IGSF11: variants seen among roughly 807,000 people sequenced by gnomAD.
IGSF11 encodes the protein immunoglobulin superfamily member 11.
IGSF11 carries 22 observed loss-of-function variants against 41.0 expected under a neutral mutation model. The ratio of observed to expected loss-of-function variants is 0.54; its 90% CI spans 0.38 to 0.77. The LOEUF is 0.77. IGSF11 is among the 30% of genes least tolerant of loss of function. IGSF11 has a pLI of 0.00. For synonymous variants in IGSF11, 219 were observed against 201.3 expected (o/e 1.09, Z -0.74); for missense variants, 444 against 530.8 (o/e 0.84, Z 1.61).
At chr3:118,927,963 C>A (rs796599536) in intron 3 of IGSF11, among the ~76,000 whole-genome samples, 24 of 152,142 alleles carry the variant, frequency 1.6e-4, no homozygotes, top group African/African-American at 5.5e-4. Context: ...GGAAAAAAAA[C>A]CTAAATCTAT....
At chr3:119,034,922 T>G, upstream of IGSF11, 3 of 877,462 alleles carry the variant, frequency 3.4e-6, no homozygotes, top group Non-Finnish European at 4.3e-6. Context: ...GCTCGGCTCC[T>G]CGCCGCGCCG....
chr3:119,025,676 G>T (rs190342803), intron 1 of IGSF11, among the ~76,000 whole-genome samples: 3 of 151,742 alleles, frequency 2.0e-5, no homozygotes, highest in Non-Finnish European at 2.9e-5. Flanking sequence ...CTCTGACATG[G>T]GCTTTGTATA....
At chr3:119,057,704 G>A (rs1386973632) in intron 1 of IGSF11, among the ~76,000 whole-genome samples, 12 of 152,104 alleles carry the variant, frequency 7.9e-5, no homozygotes, top group South Asian at 4.1e-4. Flanking sequence ...CAGGCATCAC[G>A]CTACCTGACT....
chr3:119,079,003 A>G (rs1468781767), intron 1 of IGSF11, among the ~76,000 whole-genome samples: 1 of 152,184 alleles, frequency 6.6e-6, no homozygotes, highest in Non-Finnish European at 1.5e-5. Context: ...CATTAAAGAA[A>G]TGCAAATCAA....
chr3:118,981,457 T>G (rs1934705889), intron 1 of IGSF11, among the ~76,000 whole-genome samples: 2 of 152,126 alleles, frequency 1.3e-5, no homozygotes, highest in African/African-American at 4.8e-5. Context: ...GCCACTGTGC[T>G]CAGCTTTTGG....
intron 1 of IGSF11, among the ~76,000 whole-genome samples, chr3:118,948,982 A>AC: frequency 6.6e-6 from 1 of 152,022 alleles, no homozygotes; most frequent in East Asian, 1.9e-4. Context: ...AAAAAAAAAA[A>AC]AAAAAAGCAA....
rs995945342 is a variant in IGSF11 at position 118,901,172 on chromosome 3, A to T, written c.*1348T>A. The T allele has an allele frequency of 6.6e-6, 1 of 152,230 alleles. No individual in the cohort carries two copies. Among genetic ancestry groups the T allele is most frequent in the South Asian group, 2.1e-4 (1 of 4,820 alleles). The allele number at this position is 152,230 out of a possible 1,614,324, so 9.4% of individuals were successfully genotyped here. ...TTAAGGCAAGACAGTCACTAATGCA[A>T]GTATGGCCAGATCTACATAGCACAA... is the stretch of plus-strand genomic sequence containing the variant. On this transcript the variant is annotated 3_prime_UTR_variant, in exon 7 of 7. Coordinates refer to ENST00000393775, the MANE Select transcript of IGSF11 (RefSeq NM_001015887.3).
chr3:119,034,878 T>G (rs1217090512), upstream of IGSF11: 1 of 1,156,154 alleles, frequency 8.6e-7, no homozygotes. Flanking sequence ...GGGGAGCCAC[T>G]CCCCCCAACT....
chr3:119,009,471 A>T (rs940337706), intron 1 of IGSF11, among the ~76,000 whole-genome samples: 3 of 152,042 alleles, frequency 2.0e-5, no homozygotes, highest in African/African-American at 7.2e-5. Context: ...ATGAGATCTG[A>T]TAGTTTTAAA....
rs2077699359 is a variant in IGSF11, at chr3:119,144,958, T to A, written c.-14+855A>T. ...ACAAGCCATAGCCCAAGACCTATTTTACTCTAAACACAGTATCCAATGGTG... is the reference window on the plus strand; with the variant it reads ...ACAAGCCATAGCCCAAGACCTATTTAACTCTAAACACAGTATCCAATGGTG... On this transcript the variant is annotated intron_variant, in intron 1 of 7. Coordinates refer to the IGSF11 transcript ENST00000425327. Among the ~76,000 whole-genome samples the A allele has an allele frequency of 2.0e-5, 3 of 152,212 alleles. No individual in the cohort carries two copies. The South Asian group carries it at 6.2e-4, about 31-fold the overall frequency.
chr3:119,095,104 T>C (rs1014237239), intron 1 of IGSF11, among the ~76,000 whole-genome samples: 1 of 152,010 alleles, frequency 6.6e-6, no homozygotes, highest in African/African-American at 2.4e-5. Context: ...AAGAAAAGTA[T>C]CAAAGTAAAA....
rs559404698 is a variant in IGSF11, at chr3:119,123,233, G to A, written c.-13-18028C>T. On this transcript the variant is annotated intron_variant, in intron 1 of 7. Coordinates refer to the IGSF11 transcript ENST00000425327. ...CAGTACTTTCCGTGGGCCTGTGGTG[G>A]TAGCGGCCACAGGGTCAGGTTCCTT... 1.8e-4 allele frequency among the ~76,000 whole-genome samples: 28 copies of A among 152,354 alleles called. No individual in the cohort carries two copies. In the South Asian group the frequency reaches 5.8e-3, roughly 32 times the overall value.
At chr3:119,120,086 C>T (rs928263242) in intron 1 of IGSF11, among the ~76,000 whole-genome samples, 2 of 152,152 alleles carry the variant, frequency 1.3e-5, no homozygotes, top group African/African-American at 4.8e-5. Context: ...AGGTCCTGTC[C>T]AAGCAGGGAA....
At chr3:118,972,422 T>C (rs1933548143) in intron 1 of IGSF11, among the ~76,000 whole-genome samples, 2 of 152,256 alleles carry the variant, frequency 1.3e-5, no homozygotes, top group Admixed American at 6.5e-5. Flanking sequence ...ATTATACTTA[T>C]TATGCTTCAT....
intron 1 of IGSF11, among the ~76,000 whole-genome samples, chr3:119,057,351 A>G (rs1941884356): frequency 2.6e-5 from 4 of 151,794 alleles, no homozygotes; most frequent in African/African-American, 2.4e-5. Context: ...GAGCCAAATC[A>G]TGAGTGAACT....
chr3:119,013,916 T>C (rs1480257782), intron 1 of IGSF11, among the ~76,000 whole-genome samples: 1 of 152,252 alleles, frequency 6.6e-6, no homozygotes, highest in African/African-American at 2.4e-5. Context: ...TCAGATACGA[T>C]ATACATCTCA....
rs1373974094 is a variant in IGSF11, at chr3:118,967,288, T to C, written c.53-37013A>G. Among the ~76,000 whole-genome samples the C allele has an allele frequency of 2.6e-5, 4 of 152,264 alleles. No individual in the cohort carries two copies. In the East Asian group the frequency reaches 7.7e-4, roughly 29 times the overall value. Reference sequence around the variant, plus strand: ...GTCATAATTTGAGTAAAAAAGTTTATAAAAGCCACTGACCACATGGCATGA... The same window carrying C: ...GTCATAATTTGAGTAAAAAAGTTTACAAAAGCCACTGACCACATGGCATGA... On this transcript the variant is annotated intron_variant, in intron 1 of 6. Transcript: ENST00000393775.
At chr3:119,013,730 T>G (rs1363952226) in intron 1 of IGSF11, among the ~76,000 whole-genome samples, 2 of 152,220 alleles carry the variant, frequency 1.3e-5, no homozygotes, top group African/African-American at 4.8e-5. Flanking sequence ...TTAGAGACCA[T>G]GGAGTCCCAT....
intron 1 of IGSF11, among the ~76,000 whole-genome samples, chr3:119,137,133 A>T (rs1455336707): frequency 6.6e-6 from 1 of 152,148 alleles, no homozygotes; most frequent in African/African-American, 2.4e-5. Context: ...ATTATTTTTT[A>T]AATGTCCATA....
Sources: allele counts gnomAD v4.1 joint callset (sites outside exome capture counted in the v4.1 genomes callset), GRCh38; gene constraint gnomAD v4.1.1; transcripts MANE v1.5; gene names NCBI Gene and HGNC (gene_info 2026-07-23, HGNC 2026-07-21).